Variants in PARD3 observed in about 807,000 individuals in gnomAD.
PARD3 encodes par-3 family cell polarity regulator, also known as partitioning defective 3 homolog.
PARD3 carries 75 observed loss-of-function variants against 155.4 expected under a neutral mutation model. The ratio of observed to expected loss-of-function variants is 0.48; its 90% CI spans 0.40 to 0.58. The LOEUF (loss-of-function observed/expected upper bound fraction) is 0.58. Ranked by LOEUF, PARD3 falls within the 20% of genes least tolerant of loss-of-function variation. PARD3 has a pLI of 0.00. For missense variants in PARD3, 1,642 were observed against 1,721.7 expected, an observed-to-expected ratio of 0.95 and a Z score of 0.82; for synonymous variants, 576 against 610.5, an observed-to-expected ratio of 0.94 and a Z score of 0.83.
At chr10:34,366,497 T>C (rs1333684770) in intron 12 of PARD3, among the ~76,000 whole-genome samples, 2 of 152,100 alleles carry the variant, frequency 1.3e-5, no homozygotes, top group Non-Finnish European at 2.9e-5. Flanking sequence ...GGGCAGGGGC[T>C]GTTGCTTGGG....
intron 22 of PARD3, among the ~76,000 whole-genome samples, chr10:34,262,245 G>A (rs1436859701): frequency 1.3e-5 from 2 of 151,884 alleles, no homozygotes; most frequent in East Asian, 1.9e-4. Context: ...TTAGAACAAA[G>A]CCTATTACGG....
At chr10:34,549,923 G>A (rs1437443250) in intron 2 of PARD3, among the ~76,000 whole-genome samples, 3 of 151,830 alleles carry the variant, frequency 2.0e-5, no homozygotes, top group Non-Finnish European at 4.4e-5. Flanking sequence ...TCTCCTCCAC[G>A]ACCAGGCCCA....
chr10:34,697,766 AACACTCAC>A (rs2094201691), intron 1 of PARD3, among the ~76,000 whole-genome samples: 1 of 146,428 alleles, frequency 6.8e-6, no homozygotes, highest in African/African-American at 2.6e-5. Context: ...TTGTAAAACA[AACACTCAC>A]ACACACACAC....
chr10:34,209,048 C>CT (rs1951614863), intron 22 of PARD3, among the ~76,000 whole-genome samples: 1 of 152,106 alleles, frequency 6.6e-6, no homozygotes, highest in South Asian at 2.1e-4. Flanking sequence ...AACTAAAATT[C>CT]CACATATAAT....
At chr10:34,189,854 C>G (rs2133255376) in intron 22 of PARD3, among the ~76,000 whole-genome samples, 1 of 152,162 alleles carries the variant, frequency 6.6e-6, no homozygotes, top group East Asian at 1.9e-4. Context: ...AAACCACTGA[C>G]AGTATTTGTT....
At chr10:34,565,940 C>G (rs1381741260) in intron 2 of PARD3, among the ~76,000 whole-genome samples, 2 of 152,192 alleles carry the variant, frequency 1.3e-5, no homozygotes, top group East Asian at 1.9e-4. Context: ...GGAAAATACA[C>G]ATCTTCATTT....
At chr10:34,465,499 C>G (rs144976422) in intron 4 of PARD3, among the ~76,000 whole-genome samples, 1 of 152,088 alleles carries the variant, frequency 6.6e-6, no homozygotes, top group South Asian at 2.1e-4. Context: ...GGAAAGATAG[C>G]AAACATGCTA....
intron 5 of PARD3, among the ~76,000 whole-genome samples, chr10:34,436,432 A>G (rs1056362170): frequency 6.6e-6 from 1 of 152,230 alleles, no homozygotes; most frequent in African/African-American, 2.4e-5. Flanking sequence ...AATAGACTGC[A>G]TACAACATCA....
In PARD3 at chr10:34,512,364, C is replaced by T. The variant is rs1489882973; in HGVS notation, c.403+4615G>A. On this transcript the variant is annotated intron_variant, in intron 3 of 24. Coordinates refer to ENST00000374788, the MANE Select transcript of PARD3 (RefSeq NM_001184785.2). ...TCATTATACACTCATGCATGTATTGCTGTTGCTATCTGTATTGATGCTCCC... is the reference window on the plus strand; with the variant it reads ...TCATTATACACTCATGCATGTATTGTTGTTGCTATCTGTATTGATGCTCCC... 3.3e-5 allele frequency among the ~76,000 whole-genome samples: 5 copies of T among 152,118 alleles called. No homozygotes were observed. In the East Asian group the frequency reaches 5.8e-4, roughly 18 times the overall value.
At chr10:34,355,932 AAAAAAAAAAAAAAACAAAACAAAACC>A (rs1483751093) in intron 14 of PARD3, among the ~76,000 whole-genome samples, 22 of 126,770 alleles carry the variant, frequency 1.7e-4, no homozygotes, top group African/African-American at 9.7e-4. Context: ...CTCAAAAAAA[AAAAAAAAAAAAAAACAAAACAAAACC>A]AAACAAAAAA....
chr10:34,357,955 G>T (rs771039192), intron 14 of PARD3, among the ~76,000 whole-genome samples: 1 of 152,134 alleles, frequency 6.6e-6, no homozygotes, highest in African/African-American at 2.4e-5. Flanking sequence ...ACCTGAAAAC[G>T]GTGCTTTATG....
intron 12 of PARD3, 79 bp downstream of exon 12, chr10:34,372,419 C>A: frequency 9.2e-7 from 1 of 1,083,056 alleles, no homozygotes; most frequent in Non-Finnish European, 1.4e-6. Context: ...GGACAAGTAA[C>A]TTCGTATTAA....
chr10:34,605,626 ATATATATATATCTCC>A (rs1451974693), intron 2 of PARD3, among the ~76,000 whole-genome samples: 4 of 36,622 alleles, frequency 1.1e-4, no homozygotes, highest in African/African-American at 3.1e-4. Flanking sequence ...TATATCTCCT[ATATATATATATCTCC>A]TATATATATA....
chr10:34,515,487 C>T (rs926337697), intron 3 of PARD3, among the ~76,000 whole-genome samples: 2 of 152,210 alleles, frequency 1.3e-5, no homozygotes, highest in African/African-American at 4.8e-5. Context: ...GTGGTTAGCA[C>T]TGGTCTGTAG....
intron 21 of PARD3, among the ~76,000 whole-genome samples, chr10:34,276,334 A>G (rs1337992355): frequency 6.6e-6 from 1 of 152,182 alleles, no homozygotes; most frequent in African/African-American, 2.4e-5. Flanking sequence ...GTAATATACT[A>G]AATAAAGTAA....
At chr10:34,658,429 C>A (rs768010361) in intron 2 of PARD3, among the ~76,000 whole-genome samples, 2 of 152,012 alleles carry the variant, frequency 1.3e-5, no homozygotes, top group Non-Finnish European at 2.9e-5. Flanking sequence ...ACACCTACCA[C>A]CCGCGGAACT....
At chr10:34,544,213 T>G (rs73267321) in intron 2 of PARD3, among the ~76,000 whole-genome samples, 6,311 of 152,270 alleles carry the variant, frequency 0.041, 366 homozygotes, top group African/African-American at 0.13. Context: ...TAAAATTCAC[T>G]AGAAACATAA....
intron 1 of PARD3, among the ~76,000 whole-genome samples, chr10:34,716,524 T>C (rs1026553155): frequency 1.1e-3 from 161 of 151,324 alleles, no homozygotes; most frequent in African/African-American, 3.8e-3. Flanking sequence ...GTTGTGAAGC[T>C]TGAAAGCAAG....
intron 6 of PARD3, among the ~76,000 whole-genome samples, chr10:34,401,505 C>A (rs1843878720): frequency 1.3e-5 from 2 of 152,052 alleles, no homozygotes; most frequent in Admixed American, 6.6e-5. Flanking sequence ...ACACACAAAG[C>A]AATCTGAAAA....
Sources: gnomAD v4.1 joint callset for allele counts (sites outside exome capture counted in the v4.1 genomes callset) on GRCh38, gnomAD v4.1.1 for gene constraint, MANE v1.5 for transcripts, NCBI Gene and HGNC (gene_info 2026-07-23, HGNC 2026-07-21) for gene names.